Variants in ZNF496 observed in about 807,000 individuals in gnomAD.
ZNF496 encodes NSD1 (nuclear receptor binding SET-domain containing 1)-interacting zinc finger protein 1.
Under a neutral mutation model 58.9 loss-of-function variants are expected in ZNF496, and 11 were observed. The ratio of observed to expected loss-of-function variants is 0.19; its 90% CI spans 0.12 to 0.31. ZNF496 has a LOEUF of 0.31. Ranked by LOEUF, ZNF496 falls within the 10% of genes least tolerant of loss-of-function variation. The probability of loss-of-function intolerance (pLI) is 1.00; values close to 1 mark genes in which losing one functional copy is unlikely to be tolerated. For synonymous variants in ZNF496, 338 were observed against 318.2 expected (o/e 1.06, Z -0.66); for missense variants, 660 against 783.0 (o/e 0.84, Z 1.88).
At position 247,309,638 on chromosome 1, in the gene ZNF496, C is replaced by T. The variant is rs1659527447; in HGVS notation, c.892+61G>A. On this transcript the variant is annotated intron_variant, in intron 8 of 9. Coordinates refer to ENST00000682384, the MANE Select transcript of ZNF496 (RefSeq NM_032752.3). The surrounding 1 kb of genome is among the most constrained non-coding windows in gnomAD (Gnocchi z 4.3). ...GAGAGAAGCCAGAGAGTGGGCTCAC[C>T]TCCGGCTGCCAGCAACCCTTCCCCC... 6.3e-7 allele frequency: 1 copy of T among 1,599,412 alleles called. No homozygotes were observed. Among genetic ancestry groups the T allele is most frequent in the South Asian group, 1.1e-5 (1 of 89,086 alleles).
Position 247,329,907 on chromosome 1 carries a change from T to C in ZNF496, c.-38+59A>G. 3.7e-6 allele frequency: 1 copy of C among 271,978 alleles called. No homozygotes were observed. The highest frequency in any genetic ancestry group is 9.2e-5 in the South Asian group (1 of 10,922). 16.8% of individuals were successfully genotyped at this position (271,978 alleles called of 1,614,324 possible). A position where few individuals can be genotyped will look rare whatever the true frequency, so the allele number is the denominator to read the frequency against. Reference sequence around the variant, plus strand: ...GGCATTTCAACGTGACACTGCTGTTTTGAGCATCCCAGGAAACCAACAGCG... The same window carrying C: ...GGCATTTCAACGTGACACTGCTGTTCTGAGCATCCCAGGAAACCAACAGCG... On this transcript the variant is annotated intron_variant, in intron 3 of 9. Coordinates refer to ENST00000682384, the MANE Select transcript of ZNF496 (RefSeq NM_032752.3). This position sits in a 1 kb window ranked among gnomAD's most constrained non-coding sequence, Gnocchi z 5.5.
At chr1:247,305,152 G>C (rs547839581) in intron 9 of ZNF496, among the ~76,000 whole-genome samples, 34 of 152,124 alleles carry the variant, frequency 2.2e-4, no homozygotes, top group Admixed American at 9.8e-4. Flanking sequence ...TGGGTGGGTG[G>C]GCTCCCACAT....
intron 6 of ZNF496, among the ~76,000 whole-genome samples, chr1:247,321,555 C>T (rs1417415167): frequency 6.6e-6 from 1 of 152,138 alleles, no homozygotes. Context: ...AATTAAAAAA[C>T]ACTTATAAAC....
Position 247,300,253 on chromosome 1 carries a change from C to T in ZNF496, c.*266G>A, listed in dbSNP as rs139020840. ...GGCCAAGGGTCTCTAAGACGCAGAA[C>T]ACCTGGCATGTCCAACCTGGTGATG... is the stretch of plus-strand genomic sequence containing the variant. On this transcript the variant is annotated 3_prime_UTR_variant, in exon 10 of 10. Coordinates refer to ENST00000682384, the MANE Select transcript of ZNF496 (RefSeq NM_032752.3). This position sits in a 1 kb window ranked among gnomAD's most constrained non-coding sequence, Gnocchi z 5.7. The T allele has an allele frequency of 3.1e-3, 1,150 of 374,664 alleles. 7 individuals are homozygous for T. Among genetic ancestry groups the T allele is most frequent in the East Asian group, 7.8e-3 (190 of 24,444 alleles). 23.2% of individuals were successfully genotyped at this position (374,664 alleles called of 1,614,324 possible). A position where few individuals can be genotyped will look rare whatever the true frequency, so the allele number is the denominator to read the frequency against.
At chr1:247,312,962 A>C (rs967459097) in intron 6 of ZNF496, 1 of 152,102 alleles carries the variant, frequency 6.6e-6, no homozygotes, top group Admixed American at 6.5e-5. Context: ...GGACTCATAA[A>C]CAACATAAAT....
chr1:247,313,910 C>T (rs1659690767), intron 6 of ZNF496: 1 of 152,178 alleles, frequency 6.6e-6, no homozygotes, highest in African/African-American at 2.4e-5. Flanking sequence ...GGATGGCCAC[C>T]AAGTGCAGGG....
At chr1:247,326,063 C>CACAT (rs377682056) in intron 5 of ZNF496, among the ~76,000 whole-genome samples, 108 of 145,604 alleles carry the variant, frequency 7.4e-4, no homozygotes, top group East Asian at 2.9e-3. Context: ...CACACACACA[C>CACAT]ATATATACAC....
intron 6 of ZNF496, among the ~76,000 whole-genome samples, chr1:247,320,573 A>G (rs1257131660): frequency 6.6e-6 from 1 of 152,166 alleles, no homozygotes; most frequent in African/African-American, 2.4e-5. Flanking sequence ...ATCATTGTCA[A>G]TACCCTGGGT....
intron 6 of ZNF496, among the ~76,000 whole-genome samples, chr1:247,316,505 A>G (rs1323419067): frequency 1.3e-5 from 2 of 152,248 alleles, no homozygotes; most frequent in East Asian, 3.9e-4. Flanking sequence ...CAAGCGCGTC[A>G]GGACACTCAG....
rs142047867 is a variant in ZNF496, at chr1:247,329,805, C to T, written c.-38+161G>A. ...AACAGACAGAAAGATGCCCTCCCCC[C>T]ATCAGTACCATTACGTGTGGATTCC... On this transcript the variant is annotated intron_variant, in intron 3 of 9. Coordinates refer to ENST00000682384, the MANE Select transcript of ZNF496 (RefSeq NM_032752.3). The surrounding 1 kb of genome is among the most constrained non-coding windows in gnomAD (Gnocchi z 5.5). 2.6e-5 allele frequency among the ~76,000 whole-genome samples: 4 copies of T among 152,270 alleles called. No homozygotes were observed. The highest frequency in any genetic ancestry group is 7.2e-5 in the African/African-American group (3 of 41,556).
intron 9 of ZNF496, among the ~76,000 whole-genome samples, chr1:247,301,716 A>G (rs546229161): frequency 6.6e-6 from 1 of 152,136 alleles, no homozygotes; most frequent in Non-Finnish European, 1.5e-5. Flanking sequence ...CAACCTACAC[A>G]TATCATGTGC....
chr1:247,300,506 C>T lies in ZNF496; in HGVS notation c.*13G>A. On this transcript the variant is annotated 3_prime_UTR_variant, in exon 10 of 10. Transcript: ENST00000682384. This position sits in a 1 kb window ranked among gnomAD's most constrained non-coding sequence, Gnocchi z 5.7. ...AGCACCAGCCAGGGTGAGGCCGCCC[C>T]AGGCGGAGAGGCTCAGTAGGAGTTC... 1 of 1,590,688 alleles carries T rather than the reference C, an allele frequency of 6.3e-7. No individual in the cohort carries two copies. The highest frequency in any genetic ancestry group is 8.6e-7 in the Non-Finnish European group (1 of 1,165,506).
At chr1:247,302,980 G>A (rs1284922282) in intron 9 of ZNF496, among the ~76,000 whole-genome samples, 4 of 152,206 alleles carry the variant, frequency 2.6e-5, no homozygotes, top group Non-Finnish European at 4.4e-5. Flanking sequence ...AACTGGGCGA[G>A]GAGATGGAAT....
intron 5 of ZNF496, among the ~76,000 whole-genome samples, chr1:247,325,985 A>G (rs1403365955): frequency 6.6e-6 from 1 of 151,780 alleles, no homozygotes; most frequent in Non-Finnish European, 1.5e-5. Flanking sequence ...TCACGCCTGT[A>G]ATCCCAACAC....
intron 9 of ZNF496, chr1:247,307,447 G>A (rs982155551): frequency 3.8e-5 from 37 of 985,240 alleles, no homozygotes; most frequent in Non-Finnish European, 4.5e-5. Context: ...ACATGCTATG[G>A]GCAGAAAGAA....
chr1:247,305,484 C>T (rs1181789622), intron 9 of ZNF496, among the ~76,000 whole-genome samples: 2 of 152,138 alleles, frequency 1.3e-5, no homozygotes, highest in Non-Finnish European at 2.9e-5. Flanking sequence ...TAGCAGGCAG[C>T]CAGGCTGCTG....
chr1:247,327,085 A>T (rs1382851323), intron 5 of ZNF496, among the ~76,000 whole-genome samples: 3 of 151,634 alleles, frequency 2.0e-5, no homozygotes, highest in Non-Finnish European at 4.4e-5. Flanking sequence ...TTGTTTTGAG[A>T]TGGAGTTTTA....
intron 5 of ZNF496, among the ~76,000 whole-genome samples, chr1:247,323,665 T>G (rs905207152): frequency 2.6e-5 from 4 of 151,794 alleles, no homozygotes; most frequent in Non-Finnish European, 5.9e-5. Context: ...GCCTGTAATC[T>G]CAGCTATTCT....
intron 6 of ZNF496, among the ~76,000 whole-genome samples, chr1:247,317,525 G>A (rs1659821343): frequency 6.6e-6 from 1 of 152,058 alleles, no homozygotes; most frequent in African/African-American, 2.4e-5. Flanking sequence ...CTCAGAGAAG[G>A]CCAAATGCGG....
Sources: gnomAD v4.1 joint callset for allele counts (sites outside exome capture counted in the v4.1 genomes callset) on GRCh38, gnomAD v4.1.1 for gene constraint, Gnocchi (gnomAD v3.1) non-coding constraint, MANE v1.5 for transcripts, NCBI Gene and HGNC (gene_info 2026-07-23, HGNC 2026-07-21) for gene names.